ADAM22: variants seen among roughly 807,000 people sequenced by gnomAD.
ADAM22 encodes ADAM metallopeptidase domain 22, also known as disintegrin and metalloproteinase domain-containing protein 22.
A neutral mutation model predicts 144.6 loss-of-function variants in ADAM22; 65 were observed. The observed-to-expected ratio is 0.45, with a 90% confidence interval of 0.37 to 0.55. ADAM22 has a LOEUF of 0.55. Among genes scored for constraint, ADAM22 ranks in the 20% least tolerant of loss-of-function variants. ADAM22 has a pLI of 0.00. For synonymous variants in ADAM22, 391 were observed against 412.6 expected (o/e 0.95, Z 0.63); for missense variants, 974 against 1,184.9 (o/e 0.82, Z 2.61).
At chr7:87,935,433 G>A (rs1841012930) in intron 2 of ADAM22, among the ~76,000 whole-genome samples, 1 of 152,208 alleles carries the variant, frequency 6.6e-6, no homozygotes. Context: ...CAGCAGTGCG[G>A]TGAGCTGAGA....
chr7:87,965,131 G>A (rs562340796), intron 2 of ADAM22, among the ~76,000 whole-genome samples: 3 of 152,200 alleles, frequency 2.0e-5, no homozygotes, highest in East Asian at 1.9e-4. Context: ...ATATTTTTGC[G>A]GTGGTTCTTG....
At chr7:87,973,042 A>G (rs1445246205) in intron 2 of ADAM22, among the ~76,000 whole-genome samples, 2 of 152,220 alleles carry the variant, frequency 1.3e-5, no homozygotes, top group African/African-American at 2.4e-5. Flanking sequence ...GGCAGACTTC[A>G]TGTCTCAAAC....
rs2129497690 is a variant in ADAM22 at position 88,130,390 on chromosome 7, T to TA, written c.762dup (p.His255ThrfsTer24). 6.2e-7 allele frequency: 1 copy of TA among 1,612,078 alleles called. No homozygotes were observed. Among genetic ancestry groups the TA allele is most frequent in the East Asian group, 2.2e-5 (1 of 44,808 alleles). On this transcript the variant is annotated frameshift_variant, in exon 10 of 32. Coordinates refer to ENST00000413139, the MANE Select transcript of ADAM22 (RefSeq NM_001324418.2). LOFTEE classifies it high-confidence loss of function. ...CACTTGTTTTCTTTTGCTTTCAGTTTAAAAAACATCGGCTTTCCGTTGTAC... is the reference window on the plus strand; with the variant it reads ...CACTTGTTTTCTTTTGCTTTCAGTTTAAAAAAACATCGGCTTTCCGTTGTAC...
intron 4 of ADAM22, among the ~76,000 whole-genome samples, chr7:88,107,194 A>ATT (rs1824621014): frequency 7.6e-6 from 1 of 132,222 alleles, no homozygotes; most frequent in African/African-American, 3.0e-5. Flanking sequence ...TCATGATTGA[A>ATT]TTTCTTTTTT....
intron 8 of ADAM22, among the ~76,000 whole-genome samples, chr7:88,127,589 T>C (rs546531132): frequency 5.3e-5 from 8 of 152,016 alleles, no homozygotes; most frequent in Admixed American, 5.3e-4. Flanking sequence ...TATAATAGTT[T>C]TTTTTTTTTA....
intron 22 of ADAM22, among the ~76,000 whole-genome samples, chr7:88,158,937 G>T (rs1840769860): frequency 6.6e-6 from 1 of 151,814 alleles, no homozygotes; most frequent in Non-Finnish European, 1.5e-5. Flanking sequence ...ACTGAGACAT[G>T]AAAAGCCAGG....
chr7:88,130,282 T>C, intron 9 of ADAM22, 106 bp from the exon 10 acceptor site: 1 of 835,230 alleles, frequency 1.2e-6, no homozygotes, highest in Admixed American at 3.0e-5. Context: ...GATTTTTTTT[T>C]TTTTTACATT....
At chr7:87,964,637 C>T (rs1259548243) in intron 2 of ADAM22, 8 of 423,036 alleles carry the variant, frequency 1.9e-5, no homozygotes, top group Non-Finnish European at 3.3e-5. Context: ...TTTTTAGATT[C>T]AGATGTTTTT....
chr7:88,069,555 A>G (rs1245425620), intron 3 of ADAM22, among the ~76,000 whole-genome samples: 1 of 152,194 alleles, frequency 6.6e-6, no homozygotes, highest in Non-Finnish European at 1.5e-5. Flanking sequence ...AATCAACCAC[A>G]GTTTGTCCTT....
chr7:88,003,241 A>G (rs1018107573), intron 3 of ADAM22, among the ~76,000 whole-genome samples: 6 of 152,254 alleles, frequency 3.9e-5, no homozygotes, highest in Non-Finnish European at 5.9e-5. Flanking sequence ...TAAGCTGTCA[A>G]TTTAAAATTG....
At chr7:87,991,141 G>A (rs917181675) in intron 3 of ADAM22, among the ~76,000 whole-genome samples, 11 of 151,940 alleles carry the variant, frequency 7.2e-5, no homozygotes, top group Admixed American at 2.6e-4. Context: ...ATCTTTAAGT[G>A]CTTCTTTGTA....
intron 17 of ADAM22, among the ~76,000 whole-genome samples, chr7:88,147,732 T>C (rs1836965269): frequency 6.6e-6 from 1 of 152,192 alleles, no homozygotes; most frequent in Non-Finnish European, 1.5e-5. Flanking sequence ...CTCCCTATTC[T>C]TTCTTTTAGA....
chr7:87,999,184 G>A (rs1464607662), intron 3 of ADAM22, among the ~76,000 whole-genome samples: 1 of 152,128 alleles, frequency 6.6e-6, no homozygotes, highest in Non-Finnish European at 1.5e-5. Flanking sequence ...TAAATTTAGA[G>A]AACTAAAAGG....
intron 7 of ADAM22, 76 bp from the exon 8 acceptor site, chr7:88,125,513 G>A (rs1288042441): frequency 2.0e-5 from 18 of 911,548 alleles, no homozygotes; most frequent in African/African-American, 1.9e-4. Context: ...AAGAAGGAAG[G>A]GCAGGTAAAA....
At chr7:88,051,696 A>G (rs1232202303) in intron 3 of ADAM22, among the ~76,000 whole-genome samples, 1 of 152,066 alleles carries the variant, frequency 6.6e-6, no homozygotes, top group Non-Finnish European at 1.5e-5. Flanking sequence ...AACTTAAAGT[A>G]TAATAATAAA....
intron 3 of ADAM22, among the ~76,000 whole-genome samples, chr7:88,063,391 A>G (rs1810401388): frequency 6.6e-6 from 1 of 152,136 alleles, no homozygotes; most frequent in Non-Finnish European, 1.5e-5. Flanking sequence ...CAAAAGATGA[A>G]GAAGTGGAAT....
chr7:88,179,888 A>G (rs974410489), intron 27 of ADAM22, among the ~76,000 whole-genome samples: 3 of 152,144 alleles, frequency 2.0e-5, no homozygotes, highest in Admixed American at 6.6e-5. Context: ...CAATAAGAGT[A>G]TAATGGACAG....
chr7:87,972,619 T>A (rs1403619314), intron 2 of ADAM22, among the ~76,000 whole-genome samples: 1 of 152,208 alleles, frequency 6.6e-6, no homozygotes, highest in Non-Finnish European at 1.5e-5. Flanking sequence ...AGAGCCCGCA[T>A]CGCCAAGTCA....
intron 3 of ADAM22, among the ~76,000 whole-genome samples, chr7:88,063,159 A>C (rs1427131594): frequency 6.6e-6 from 1 of 152,250 alleles, no homozygotes; most frequent in Non-Finnish European, 1.5e-5. Context: ...AACAATAGCA[A>C]TAACAAGAAC....
Sources: allele counts gnomAD v4.1 joint callset (sites outside exome capture counted in the v4.1 genomes callset), GRCh38; gene constraint gnomAD v4.1.1; transcripts MANE v1.5; gene names NCBI Gene and HGNC (gene_info 2026-07-23, HGNC 2026-07-21).